The following ACACA variants were observed in gnomAD, a reference collection of about 807,000 sequenced individuals.
ACACA encodes the protein acetyl-CoA carboxylase 1.
ACACA carries 103 observed loss-of-function variants against 296.1 expected under a neutral mutation model. The ratio of observed to expected loss-of-function variants is 0.35; its 90% CI spans 0.30 to 0.41. The LOEUF (loss-of-function observed/expected upper bound fraction) is 0.41. ACACA is among the 10% of genes least tolerant of loss of function. The probability of loss-of-function intolerance (pLI) is 1.00; values close to 1 mark genes in which losing one functional copy is unlikely to be tolerated. For synonymous variants in ACACA, 953 were observed against 1,038.6 expected (o/e 0.92, Z 1.58); for missense variants, 1,554 against 2,989.7 (o/e 0.52, Z 11.20).
At chr17:37,163,196 T>TAACAAAAAAAAAAA (rs2076535018) in intron 41 of ACACA, 1 of 59,310 alleles carries the variant, frequency 1.7e-5, no homozygotes, top group Admixed American at 2.4e-4. Context: ...GTCACGGTGC[T>TAACAAAAAAAAAAA]AAAAAAAAAA....
At chr17:37,178,855 CAG>C (rs2077216453) in intron 41 of ACACA, among the ~76,000 whole-genome samples, 1 of 152,010 alleles carries the variant, frequency 6.6e-6, no homozygotes, top group Admixed American at 6.6e-5. Context: ...TAGACAAAAA[CAG>C]GGAAAATAAT....
rs185076593 is a variant in ACACA, at chr17:37,105,254, C to G, written c.6565+6277G>C. Among the ~76,000 whole-genome samples the G allele has an allele frequency of 1.1e-4, 17 of 152,324 alleles. No individual in the cohort carries two copies. The South Asian group carries it at 1.7e-3, about 15-fold the overall frequency. On this transcript the variant is annotated intron_variant, in intron 52 of 55. Coordinates refer to ENST00000616317, the MANE Select transcript of ACACA (RefSeq NM_198834.3). ...TCATTTATGTAACAACAATCCCAGT[C>G]TGGCAAACAGGGAAAATGTTTTATA... is the stretch of plus-strand genomic sequence containing the variant.
intron 3 of ACACA, among the ~76,000 whole-genome samples, chr17:37,285,347 A>G (rs1185255617): frequency 6.6e-6 from 1 of 152,146 alleles, no homozygotes; most frequent in Non-Finnish European, 1.5e-5. Flanking sequence ...TCTGACTTCT[A>G]TCTTTCTTCT....
chr17:37,362,579 G>A (rs1368080275), intron 1 of ACACA, among the ~76,000 whole-genome samples: 3 of 152,202 alleles, frequency 2.0e-5, no homozygotes, highest in East Asian at 1.9e-4. Flanking sequence ...CATTATATGC[G>A]CCACTGTCCA....
chr17:37,355,568 TAA>T (rs2049100354), intron 1 of ACACA, among the ~76,000 whole-genome samples: 2 of 149,328 alleles, frequency 1.3e-5, no homozygotes, highest in South Asian at 4.3e-4. Flanking sequence ...AAAAATAAAA[TAA>T]AATAGCCAAG....
At chr17:37,337,434 A>T (rs1167601073) in intron 2 of ACACA, among the ~76,000 whole-genome samples, 3 of 143,588 alleles carry the variant, frequency 2.1e-5, no homozygotes, top group East Asian at 2.7e-4. Flanking sequence ...AAAAAAAAAG[A>T]AAAGTAAAGA....
At chr17:37,118,412 ATATT>A (rs1348937126) in intron 50 of ACACA, among the ~76,000 whole-genome samples, 1 of 152,246 alleles carries the variant, frequency 6.6e-6, no homozygotes, top group Non-Finnish European at 1.5e-5. Context: ...AAAGTGATAA[ATATT>A]ATGTATATTT....
intron 4 of ACACA, 73 bp from the exon 5 acceptor site, chr17:37,283,478 G>A (rs920989006): frequency 6.8e-7 from 1 of 1,480,360 alleles, no homozygotes; most frequent in Non-Finnish European, 9.4e-7. Flanking sequence ...AGAGATGAGA[G>A]AATTTTTACA....
intron 1 of ACACA, among the ~76,000 whole-genome samples, chr17:37,370,186 A>T (rs2049752119): frequency 1.3e-5 from 2 of 151,480 alleles, no homozygotes; most frequent in East Asian, 3.9e-4. Flanking sequence ...TTGTATATTT[A>T]GTAGAGACGG....
chr17:37,098,071 C>T, intron 52 of ACACA, 87 bp from the exon 53 acceptor site: 1 of 1,532,586 alleles, frequency 6.5e-7, no homozygotes, highest in Non-Finnish European at 9.0e-7. Context: ...GGAAGCTCAA[C>T]ATCAGCCTGC....
Position 37,322,992 on chromosome 17 carries a change from A to ACACT in ACACA, c.338+7177_338+7180dup, listed in dbSNP as rs2047426476. On this transcript the variant is annotated intron_variant, in intron 3 of 55. Coordinates refer to ENST00000616317, the MANE Select transcript of ACACA (RefSeq NM_198834.3). ...AGAGCTCAGGATACAGAAAGCTGTCACACTGGCCCTCTGCCCTTGCAATAA... is the reference window on the plus strand; with the variant it reads ...AGAGCTCAGGATACAGAAAGCTGTCACACTCACTGGCCCTCTGCCCTTGCAATAA... Among the ~76,000 whole-genome samples the ACACT allele has an allele frequency of 2.0e-5, 3 of 152,258 alleles. No individual in the cohort carries two copies. In the South Asian group the frequency reaches 6.2e-4, roughly 31 times the overall value.
intron 1 of ACACA, among the ~76,000 whole-genome samples, chr17:37,369,862 C>T (rs925972028): frequency 2.6e-5 from 4 of 151,932 alleles, no homozygotes; most frequent in Non-Finnish European, 2.9e-5. Context: ...CGTACCACCA[C>T]ACCCATCTAA....
At chr17:37,266,362 C>T (rs1040190166) in intron 10 of ACACA, among the ~76,000 whole-genome samples, 5 of 150,790 alleles carry the variant, frequency 3.3e-5, no homozygotes, top group African/African-American at 1.2e-4. Context: ...TGCAGTGAGC[C>T]GAGATCGCGC....
At chr17:37,317,328 G>A (rs12601074) in intron 3 of ACACA, among the ~76,000 whole-genome samples, 1 of 151,982 alleles carries the variant, frequency 6.6e-6, no homozygotes, top group South Asian at 2.1e-4. Flanking sequence ...GGTGGCTGAC[G>A]CCTGTAATCC....
At chr17:37,405,887 G>C (rs1458127990) in intron 1 of ACACA, among the ~76,000 whole-genome samples, 1 of 94,970 alleles carries the variant, frequency 1.1e-5, no homozygotes, top group Non-Finnish European at 2.0e-5. Flanking sequence ...GAATGAACTT[G>C]TATTATGCAT....
intron 54 of ACACA, among the ~76,000 whole-genome samples, chr17:37,092,844 C>T (rs1397693481): frequency 6.6e-6 from 1 of 152,190 alleles, no homozygotes. Flanking sequence ...AAGGTACACT[C>T]ATATTTTGGA....
Position 37,268,743 on chromosome 17 carries a change from A to ATATATATATATATATATATATATATC in ACACA, c.1119+1982_1119+2007dup, listed in dbSNP as rs2081926702. On this transcript the variant is annotated intron_variant, in intron 10 of 55. Transcript: ENST00000616317. ...TATCTATCTATCTATCTATCTATCT[A>ATATATATATATATATATATATATATC]TATATATATATATATATATATATAT... 1.7e-4 allele frequency among the ~76,000 whole-genome samples: 17 copies of ATATATATATATATATATATATATATC among 102,050 alleles called. 1 individual carries two copies. The East Asian group carries it at 5.0e-3, about 30-fold the overall frequency. The allele number at this position is 102,050 out of a possible 152,430, so 66.9% of individuals were successfully genotyped here. A position where few individuals can be genotyped will look rare whatever the true frequency, so the allele number is the denominator to read the frequency against.
At chr17:37,261,587 G>C (rs2081516912) in intron 11 of ACACA, among the ~76,000 whole-genome samples, 1 of 152,202 alleles carries the variant, frequency 6.6e-6, no homozygotes, top group Admixed American at 6.5e-5. Flanking sequence ...AGTCTCCAAA[G>C]CCCAACTCAC....
chr17:37,322,606 C>G (rs2047407085), intron 3 of ACACA, among the ~76,000 whole-genome samples: 2 of 152,080 alleles, frequency 1.3e-5, no homozygotes, highest in Non-Finnish European at 2.9e-5. Context: ...TGCAACACCC[C>G]CAATCCTGTG....
Sources: gnomAD v4.1 joint callset for allele counts (sites outside exome capture counted in the v4.1 genomes callset) on GRCh38, gnomAD v4.1.1 for gene constraint, MANE v1.5 for transcripts, NCBI Gene and HGNC (gene_info 2026-07-23, HGNC 2026-07-21) for gene names.